Variants in SH3GL1 observed in about 807,000 individuals in gnomAD.
SH3GL1 encodes endophilin-A2.
Under a neutral mutation model 48.8 loss-of-function variants are expected in SH3GL1, and 21 were observed. The ratio of observed to expected loss-of-function variants is 0.43; its 90% confidence interval spans 0.30 to 0.62. The LOEUF is 0.62. Ranked by LOEUF, SH3GL1 falls within the 20% of genes least tolerant of loss-of-function variation. The probability of loss-of-function intolerance (pLI) is 0.11; values close to 1 mark genes in which losing one functional copy is unlikely to be tolerated. For synonymous variants in SH3GL1, 282 were observed against 217.5 expected (o/e 1.30, Z -2.61); for missense variants, 454 against 503.0 (o/e 0.90, Z 0.93).
chr19:4,366,644 G>A (rs1972786902), intron 2 of SH3GL1, 71 bp from the exon 3 acceptor site: 17 of 1,394,366 alleles, frequency 1.2e-5, no homozygotes, highest in South Asian at 3.5e-5. Flanking sequence ...CCCCGCTGCT[G>A]CACCGCCTCC....
chr19:4,395,415 T>A (rs190680691), intron 1 of SH3GL1: 2 of 152,228 alleles, frequency 1.3e-5, no homozygotes, highest in Non-Finnish European at 2.9e-5. Context: ...CTGAGAGTCA[T>A]GTATGTTCTG....
At chr19:4,384,796 A>G (rs1404658757) in intron 1 of SH3GL1, among the ~76,000 whole-genome samples, 2 of 152,208 alleles carry the variant, frequency 1.3e-5, no homozygotes, top group African/African-American at 2.4e-5. Context: ...GGTACTCACA[A>G]GCAGTGCTCA....
intron 1 of SH3GL1, among the ~76,000 whole-genome samples, chr19:4,374,165 T>C (rs780904518): frequency 6.6e-6 from 1 of 152,150 alleles, no homozygotes; most frequent in South Asian, 2.1e-4. Context: ...GGAGGCCCCA[T>C]CCAAGAGTCT....
chr19:4,365,942 C>T (rs113645469), intron 3 of SH3GL1, among the ~76,000 whole-genome samples: 8,023 of 152,168 alleles, frequency 0.053, 286 homozygotes, highest in Middle Eastern at 0.092. Flanking sequence ...TGATGTGCAG[C>T]GGGGGGTGGT....
chr19:4,367,138 G>A lies in SH3GL1; in HGVS notation c.46-144C>T. The A allele has an allele frequency of 1.3e-6, 1 of 773,900 alleles. No individual in the cohort carries two copies. The highest frequency in any genetic ancestry group is 2.3e-6 in the Non-Finnish European group (1 of 440,102). The allele number at this position is 773,900 out of a possible 1,614,324, so 47.9% of individuals were successfully genotyped here. On this transcript the variant is annotated intron_variant, in intron 1 of 9. Coordinates refer to ENST00000269886, the MANE Select transcript of SH3GL1 (RefSeq NM_003025.4). The surrounding 1 kb of genome is among the most constrained non-coding windows in gnomAD (Gnocchi z 4.2). The stretch of plus-strand genomic sequence containing the variant: ...GATCAGGACACACACCTCAGGCACT[G>A]CCGTGGGCACCCCAGGGCCACACGC...
rs1281465689 is a variant in SH3GL1, at chr19:4,367,941, C to CCGAGTGGCTG, written c.46-957_46-948dup. Among the ~76,000 whole-genome samples the CCGAGTGGCTG allele has an allele frequency of 6.6e-6, 1 of 152,128 alleles. No individual in the cohort carries two copies. Among genetic ancestry groups the CCGAGTGGCTG allele is most frequent in the Non-Finnish European group, 1.5e-5 (1 of 68,020 alleles). ...CCAGCACACAGCGCTTCATGAAGAG[C>CCGAGTGGCTG]CGAGTGGCTGCCAGGCCCTGCCACA... On this transcript the variant is annotated intron_variant, in intron 1 of 9. Transcript: ENST00000269886. The surrounding 1 kb of genome is among the most constrained non-coding windows in gnomAD (Gnocchi z 4.2).
At chr19:4,371,761 C>T (rs183886105) in intron 1 of SH3GL1, among the ~76,000 whole-genome samples, 41 of 152,306 alleles carry the variant, frequency 2.7e-4, no homozygotes, top group Non-Finnish European at 5.6e-4. Context: ...GGGAGCGGGT[C>T]TCTGGCTGGT....
Position 4,377,378 on chromosome 19 carries a change from C to T in SH3GL1, c.46-10384G>A, listed in dbSNP as rs995152748. On this transcript the variant is annotated intron_variant, in intron 1 of 9. Coordinates refer to ENST00000269886, the MANE Select transcript of SH3GL1 (RefSeq NM_003025.4). The stretch of plus-strand genomic sequence containing the variant: ...AATGCGTGGTGGGCAGAGCTGTGAG[C>T]GGGCACTGAGGAATGTGCCTTCACC... 5.3e-5 allele frequency among the ~76,000 whole-genome samples: 8 copies of T among 152,192 alleles called. No individual in the cohort carries two copies. In the South Asian group the frequency reaches 1.0e-3, roughly 20 times the overall value.
In SH3GL1 at chr19:4,362,733, C is replaced by G; in HGVS notation, c.732G>C (p.Met244Ile). 6.2e-7 allele frequency: 1 copy of G among 1,613,954 alleles called. No homozygotes were observed. Among genetic ancestry groups the G allele is most frequent in the Non-Finnish European group, 8.5e-7 (1 of 1,180,010 alleles). ...DELAEKLKRR[M>I]REASSRPKRE... ...GCTTAGGGCGTGAGGAAGCTTCCCG[C>G]ATCCTGTGAAGGGAGAGGCGTGAGT... The change falls in exon 8 of 10, where the codon ATG becomes ATC. Residue 244 changes from methionine to isoleucine, a missense_variant. Met to Ile is a conservative substitution (Grantham distance 10, BLOSUM62 1). Around this residue, in one of 2 missense-constraint regions of SH3GL1, gnomAD observed 278 missense variants for 246.8 expected, o/e 1.13. Coordinates refer to ENST00000269886, the MANE Select transcript of SH3GL1 (RefSeq NM_003025.4).
At chr19:4,373,854 T>C (rs552216448) in intron 1 of SH3GL1, among the ~76,000 whole-genome samples, 31 of 152,222 alleles carry the variant, frequency 2.0e-4, no homozygotes, top group African/African-American at 7.2e-4. Flanking sequence ...GGTGCCATGG[T>C]AGGGAAAGAC....
chr19:4,365,773 G>A lies in SH3GL1; in HGVS notation c.188-148C>T, dbSNP rs578249569. 8.4e-6 allele frequency: 10 copies of A among 1,184,684 alleles called. No individual in the cohort carries two copies. In the East Asian group the frequency reaches 1.7e-4, roughly 20 times the overall value. 73.4% of individuals were successfully genotyped at this position (1,184,684 alleles called of 1,614,324 possible). ...ACAAAGCACAGTGGAATCCCCAGAG[G>A]GTCCCTTCCCTGCTCCTGCTAGCCT... On this transcript the variant is annotated intron_variant, in intron 3 of 9. Coordinates refer to ENST00000269886, the MANE Select transcript of SH3GL1 (RefSeq NM_003025.4).
Position 4,362,687 on chromosome 19 carries a change from GGGGCTT to G in SH3GL1, c.772_777del (p.Lys258_Pro259del). ...GGCTCTCCAAGGTCAAAGGGCTCCC[GGGGCTT>G]GGGCTTATACTCCCGCTTAGGGCGT... On this transcript the variant is annotated inframe_deletion, in exon 8 of 10. Coordinates refer to ENST00000269886, the MANE Select transcript of SH3GL1 (RefSeq NM_003025.4). The G allele has an allele frequency of 1.9e-6, 3 of 1,613,996 alleles. No homozygotes were observed. The South Asian group carries it at 3.3e-5, about 18-fold the overall frequency.
intron 1 of SH3GL1, among the ~76,000 whole-genome samples, chr19:4,388,370 C>A (rs932856511): frequency 6.6e-6 from 1 of 152,136 alleles, no homozygotes; most frequent in African/African-American, 2.4e-5. Context: ...GGGAGTGTCA[C>A]ATTTGAACGC....
At chr19:4,365,370 G>A (rs777129156) in intron 4 of SH3GL1, 112 bp downstream of exon 4, 17 of 1,410,780 alleles carry the variant, frequency 1.2e-5, no homozygotes, top group African/African-American at 4.2e-5. Flanking sequence ...AAGCTGTGGG[G>A]GCCACTGTAC....
chr19:4,363,541 G>T, intron 6 of SH3GL1, 68 bp from the exon 7 acceptor site: 1 of 1,518,810 alleles, frequency 6.6e-7, no homozygotes, highest in Non-Finnish European at 9.1e-7. Context: ...TGACTCCCGA[G>T]GTGAAGCCAC....
rs1568403218 is a variant in SH3GL1, at chr19:4,360,371, G to A, written c.*1229C>T. 1.5e-5 allele frequency: 4 copies of A among 269,302 alleles called. No individual in the cohort carries two copies. Among genetic ancestry groups the A allele is most frequent in the Non-Finnish European group, 2.8e-5 (4 of 140,546 alleles). The allele number at this position is 269,302 out of a possible 1,614,324, so 16.7% of individuals were successfully genotyped here. On this transcript the variant is annotated 3_prime_UTR_variant, in exon 10 of 10. Coordinates refer to ENST00000269886, the MANE Select transcript of SH3GL1 (RefSeq NM_003025.4). The stretch of plus-strand genomic sequence containing the variant: ...CTGCACCAAGACGAGGCAAGGGGCT[G>A]TAGAAAGAGACATTTAATACTTCTG...
intron 1 of SH3GL1, among the ~76,000 whole-genome samples, chr19:4,398,669 G>A (rs1295475134): frequency 3.9e-5 from 6 of 152,092 alleles, no homozygotes; most frequent in African/African-American, 7.2e-5. Flanking sequence ...CACCGCGCCC[G>A]GCCAAATTTG....
intron 1 of SH3GL1, among the ~76,000 whole-genome samples, chr19:4,377,358 G>A (rs532891154): frequency 9.2e-5 from 14 of 152,254 alleles, no homozygotes; most frequent in Non-Finnish European, 1.2e-4. Context: ...TACAGAATGC[G>A]TGGTGGGCAG....
chr19:4,399,319 CAAAAA>C lies in SH3GL1; in HGVS notation c.45+1000_45+1004del, dbSNP rs58263818. 8.9e-3 allele frequency among the ~76,000 whole-genome samples: 440 copies of C among 49,618 alleles called. 7 individuals are homozygous for C. Among genetic ancestry groups the C allele is most frequent in the African/African-American group, 0.036 (412 of 11,518 alleles). 32.6% of individuals were successfully genotyped at this position (49,618 alleles called of 152,430 possible). Reference sequence around the variant, plus strand: ...GGGGCGACAGAGCATGACTCCCTCTCAAAAAAAAAAAAAAAAAAAAAAATCCAAGA... The same window carrying C: ...GGGGCGACAGAGCATGACTCCCTCTCAAAAAAAAAAAAAAAAAATCCAAGA... On this transcript the variant is annotated intron_variant, in intron 1 of 9. Transcript: ENST00000269886.
Sources: gnomAD v4.1 joint callset for allele counts (sites outside exome capture counted in the v4.1 genomes callset) on GRCh38, gnomAD v4.1.1 for gene constraint, gnomAD v4.1.1 regional missense constraint, Gnocchi (gnomAD v3.1) non-coding constraint, MANE v1.5 for transcripts, NCBI Gene and HGNC (gene_info 2026-07-23, HGNC 2026-07-21) for gene names.